RGS6: variants seen among roughly 807,000 people sequenced by gnomAD.
RGS6 encodes the protein regulator of G-protein signaling 6.
Under a neutral mutation model 78.5 loss-of-function variants are expected in RGS6, and 30 were observed. The ratio of observed to expected loss-of-function variants is 0.38; its 90% confidence interval spans 0.29 to 0.52. The LOEUF is 0.52. RGS6 is among the 20% of genes least tolerant of loss of function. RGS6 has a pLI of 0.85. For missense variants in RGS6, 495 were observed against 609.7 expected (o/e 0.81, Z 1.98); for synonymous variants, 206 against 206.0 (o/e 1.00, Z 0.00).
intron 2 of RGS6, among the ~76,000 whole-genome samples, chr14:72,173,662 A>G (rs1008899015): frequency 6.6e-6 from 1 of 152,124 alleles, no homozygotes; most frequent in Admixed American, 6.5e-5. Flanking sequence ...AGAGCTGTTT[A>G]TCTGGGCTTT....
At chr14:71,986,585 CTGTAAT>C in intron 2 of RGS6, among the ~76,000 whole-genome samples, 1 of 151,736 alleles carries the variant, frequency 6.6e-6, no homozygotes, top group South Asian at 2.1e-4. Flanking sequence ...TGGCGTGCAC[CTGTAAT>C]CCCAACTACT....
the RGS6 span, among the ~76,000 whole-genome samples, chr14:71,888,143 T>C: frequency 6.6e-6 from 1 of 152,156 alleles, no homozygotes; most frequent in South Asian, 2.1e-4. Context: ...CCCCCAATAC[T>C]GAGGCAGGAG....
the RGS6 span, among the ~76,000 whole-genome samples, chr14:71,885,892 CTTCCTTCCTTCT>C: frequency 6.7e-6 from 1 of 150,102 alleles, no homozygotes; most frequent in South Asian, 2.1e-4. Flanking sequence ...TCTTTCCTTC[CTTCCTTCCTTCT>C]TTCCTTCTTT....
chr14:72,422,010 C>A (rs142852516), intron 3 of RGS6, among the ~76,000 whole-genome samples: 3 of 152,144 alleles, frequency 2.0e-5, no homozygotes, highest in Non-Finnish European at 2.9e-5. Flanking sequence ...TTGAATCATG[C>A]GGGCAGGTCT....
At chr14:72,027,151 G>A (rs1196158559) in intron 2 of RGS6, among the ~76,000 whole-genome samples, 2 of 152,002 alleles carry the variant, frequency 1.3e-5, no homozygotes, top group African/African-American at 4.8e-5. Flanking sequence ...TCAGGATTTG[G>A]GATTTTGCTT....
At chr14:72,547,081 G>A (rs2153522829) in intron 17 of RGS6, 2 of 1,194,388 alleles carry the variant, frequency 1.7e-6, no homozygotes, top group East Asian at 5.1e-5. Context: ...AGAGTGAAGG[G>A]GAGTGCAGGG....
At chr14:72,527,623 G>A (rs1202477412) in intron 15 of RGS6, among the ~76,000 whole-genome samples, 2 of 152,160 alleles carry the variant, frequency 1.3e-5, no homozygotes, top group African/African-American at 4.8e-5. Flanking sequence ...CCCTTGCAAG[G>A]ACAGTCACAG....
At chr14:71,999,848 C>A (rs531776865) in intron 2 of RGS6, among the ~76,000 whole-genome samples, 2 of 131,678 alleles carry the variant, frequency 1.5e-5, no homozygotes, top group African/African-American at 5.5e-5. Context: ...GCCTGCAGTG[C>A]ATGAGCCAAT....
chr14:72,461,918 T>C (rs2095792202), intron 6 of RGS6, among the ~76,000 whole-genome samples: 1 of 152,136 alleles, frequency 6.6e-6, no homozygotes, highest in Non-Finnish European at 1.5e-5. Flanking sequence ...TAGGATTAAA[T>C]GAAATGCATG....
intron 1 of RGS6, among the ~76,000 whole-genome samples, chr14:71,942,086 CAA>C (rs911620340): frequency 1.3e-5 from 2 of 151,978 alleles, no homozygotes; most frequent in African/African-American, 2.4e-5. Flanking sequence ...GTAGTCAAGA[CAA>C]AAGAATAATC....
chr14:71,919,901 G>C, the RGS6 span, among the ~76,000 whole-genome samples: 1 of 152,118 alleles, frequency 6.6e-6, no homozygotes, highest in Non-Finnish European at 1.5e-5. Context: ...GTCTGAGGCA[G>C]GAGAATCATT....
intron 2 of RGS6, among the ~76,000 whole-genome samples, chr14:72,103,613 T>G (rs1220041511): frequency 6.6e-6 from 1 of 151,990 alleles, no homozygotes; most frequent in Admixed American, 6.5e-5. Context: ...GTAAGAAAAA[T>G]CACAGAAAAT....
intron 2 of RGS6, among the ~76,000 whole-genome samples, chr14:72,342,665 A>G (rs1191643803): frequency 6.8e-6 from 1 of 146,294 alleles, no homozygotes; most frequent in Non-Finnish European, 1.5e-5. Context: ...GGGAGGTGAA[A>G]GTTGCAGTGA....
intron 2 of RGS6, among the ~76,000 whole-genome samples, chr14:72,094,791 T>C (rs1427149474): frequency 6.6e-6 from 1 of 152,192 alleles, no homozygotes; most frequent in Admixed American, 6.5e-5. Flanking sequence ...AGACAATAAA[T>C]GGGGTTTTGT....
chr14:71,982,062 G>A (rs983971677), intron 2 of RGS6, among the ~76,000 whole-genome samples: 2 of 151,644 alleles, frequency 1.3e-5, no homozygotes, highest in East Asian at 1.9e-4. Context: ...GGTGCCCTCC[G>A]TCACCCCTTT....
At chr14:72,076,952 T>TATATATATATATATAAATGTTATA (rs1567157548) in intron 2 of RGS6, among the ~76,000 whole-genome samples, 3 of 145,476 alleles carry the variant, frequency 2.1e-5, no homozygotes, top group African/African-American at 7.6e-5. Context: ...CAGCCAAATT[T>TATATATATATATATAAATGTTATA]TATATATATA....
chr14:72,550,566 T>C (rs1320401725), intron 17 of RGS6: 95 of 1,535,426 alleles, frequency 6.2e-5, no homozygotes, highest in Non-Finnish European at 8.1e-5. Context: ...AACCTTGTAA[T>C]CTTCTGCAGC....
At chr14:72,230,654 G>A (rs2238224) in intron 2 of RGS6, among the ~76,000 whole-genome samples, 8,727 of 152,210 alleles carry the variant, frequency 0.057, 360 homozygotes, top group East Asian at 0.26. Context: ...AAATCTCTAG[G>A]ACAGGACTGC....
chr14:72,045,707 G>GA (rs112053072), intron 2 of RGS6, among the ~76,000 whole-genome samples: 2,119 of 142,708 alleles, frequency 0.015, 38 homozygotes, highest in African/African-American at 0.048. Flanking sequence ...TTTTCTTAAA[G>GA]AAAAAAAAAA....
Sources: allele counts gnomAD v4.1 joint callset (sites outside exome capture counted in the v4.1 genomes callset), GRCh38; gene constraint gnomAD v4.1.1; transcripts MANE v1.5; gene names NCBI Gene and HGNC (gene_info 2026-07-23, HGNC 2026-07-21).